The following PDE4D variants were observed in gnomAD, a reference collection of about 807,000 sequenced individuals.
The protein encoded by PDE4D is phosphodiesterase 4D.
Under a neutral mutation model 87.4 loss-of-function variants are expected in PDE4D, and 24 were observed. The observed-to-expected ratio is 0.27, with a 90% CI of 0.20 to 0.39. The LOEUF (loss-of-function observed/expected upper bound fraction) is 0.39. PDE4D is among the 10% of genes least tolerant of loss of function. The pLI is 1.00. For synonymous variants in PDE4D, 384 were observed against 383.2 expected, an observed-to-expected ratio of 1.00 and a Z score of -0.02; for missense variants, 714 against 1,041.0, an observed-to-expected ratio of 0.69 and a Z score of 4.32.
At chr5:59,418,674 A>T (rs1298123012) in intron 1 of PDE4D, among the ~76,000 whole-genome samples, 1 of 142,090 alleles carries the variant, frequency 7.0e-6, no homozygotes, top group Non-Finnish European at 1.5e-5. Context: ...TTTGAGACAG[A>T]GTCTTACTCT....
At chr5:60,105,340 C>T (rs1247637649) in intron 2 of PDE4D, among the ~76,000 whole-genome samples, 1 of 152,114 alleles carries the variant, frequency 6.6e-6, no homozygotes, top group African/African-American at 2.4e-5. Flanking sequence ...CGAACAAAGC[C>T]TCCAAGAAAT....
rs188091605 is a variant in PDE4D at position 60,376,502 on chromosome 5, A to G, written c.-90+111440T>C. Among the ~76,000 whole-genome samples, 625 of 152,220 alleles carry G rather than the reference A, an allele frequency of 4.1e-3. 6 individuals are homozygous for G. Among genetic ancestry groups the G allele is most frequent in the Middle Eastern group, 6.8e-3 (2 of 294 alleles). Reference sequence around the variant, plus strand: ...CTCCAGGCCTCCTAACGCATCCCACACTTCAATCTACTACAGAAGCCACAG... The same window carrying G: ...CTCCAGGCCTCCTAACGCATCCCACGCTTCAATCTACTACAGAAGCCACAG... On this transcript the variant is annotated intron_variant, in intron 1 of 16. Coordinates refer to the PDE4D transcript ENST00000502484.
chr5:59,774,682 CTTTT>C (rs1763901547), intron 1 of PDE4D, among the ~76,000 whole-genome samples: 2 of 141,348 alleles, frequency 1.4e-5, no homozygotes, highest in Non-Finnish European at 3.1e-5. Context: ...TTTTTTTTTT[CTTTT>C]TTCTTTTTTT....
intron 11 of PDE4D, among the ~76,000 whole-genome samples, chr5:58,978,406 ACT>A (rs1353234000): frequency 6.6e-6 from 1 of 152,212 alleles, no homozygotes; most frequent in Admixed American, 6.5e-5. Flanking sequence ...ACAGAGCAAG[ACT>A]CTGTTTCAAA....
At chr5:59,028,456 G>A (rs752945563) in intron 6 of PDE4D, among the ~76,000 whole-genome samples, 2 of 149,632 alleles carry the variant, frequency 1.3e-5, no homozygotes, top group Non-Finnish European at 1.5e-5. Context: ...GGAAATGAAT[G>A]AGTTCTACTG....
At chr5:59,001,060 A>G (rs1343863268) in intron 6 of PDE4D, among the ~76,000 whole-genome samples, 1 of 152,188 alleles carries the variant, frequency 6.6e-6, no homozygotes, top group Non-Finnish European at 1.5e-5. Context: ...TCCAGAATTG[A>G]GCTCAAGAGT....
At chr5:60,018,252 A>T (rs1356873498) in intron 2 of PDE4D, among the ~76,000 whole-genome samples, 1 of 152,152 alleles carries the variant, frequency 6.6e-6, no homozygotes, top group African/African-American at 2.4e-5. Flanking sequence ...TAAACTTCAT[A>T]AGCAAAGGAG....
chr5:60,490,270 A>C (rs1396740451), upstream of PDE4D: 2 of 152,136 alleles, frequency 1.3e-5, no homozygotes, highest in Non-Finnish European at 2.9e-5. Flanking sequence ...GATAACCTGA[A>C]ACATGTTACT....
At chr5:59,323,970 C>G (rs1203330031) in intron 1 of PDE4D, among the ~76,000 whole-genome samples, 1 of 152,108 alleles carries the variant, frequency 6.6e-6, no homozygotes, top group Non-Finnish European at 1.5e-5. Context: ...CTTAGGCCAA[C>G]TAATTTTTCT....
chr5:59,789,547 G>C (rs974990913), intron 1 of PDE4D, among the ~76,000 whole-genome samples: 1 of 152,136 alleles, frequency 6.6e-6, no homozygotes, highest in Non-Finnish European at 1.5e-5. Context: ...TAATTTTCTT[G>C]GCTATATTGA....
intron 1 of PDE4D, among the ~76,000 whole-genome samples, chr5:59,853,894 T>G (rs1745037736): frequency 6.6e-6 from 1 of 152,032 alleles, no homozygotes; most frequent in Non-Finnish European, 1.5e-5. Flanking sequence ...ATTTAATGGG[T>G]GCCTAGTATT....
At chr5:59,520,811 T>G (rs1812071044) in intron 1 of PDE4D, among the ~76,000 whole-genome samples, 1 of 152,116 alleles carries the variant, frequency 6.6e-6, no homozygotes, top group East Asian at 1.9e-4. Flanking sequence ...TTTGCTGCTT[T>G]TAAGAGATAA....
At chr5:59,474,562 T>C (rs1329653604) in intron 1 of PDE4D, among the ~76,000 whole-genome samples, 2 of 152,100 alleles carry the variant, frequency 1.3e-5, no homozygotes, top group Non-Finnish European at 1.5e-5. Context: ...CTGTGACGGA[T>C]TCATTACATC....
chr5:60,210,009 C>T (rs932074012), intron 1 of PDE4D, among the ~76,000 whole-genome samples: 1 of 152,120 alleles, frequency 6.6e-6, no homozygotes, highest in Non-Finnish European at 1.5e-5. Flanking sequence ...AAATACACAG[C>T]AGCTCAGTCT....
chr5:59,745,976 C>G (rs1261836294), intron 1 of PDE4D, among the ~76,000 whole-genome samples: 1 of 152,098 alleles, frequency 6.6e-6, no homozygotes, highest in Non-Finnish European at 1.5e-5. Context: ...AATGTTAAAA[C>G]CTGGCATCAT....
intron 1 of PDE4D, among the ~76,000 whole-genome samples, chr5:60,340,432 G>A (rs1043108874): frequency 2.6e-5 from 4 of 152,078 alleles, no homozygotes; most frequent in African/African-American, 9.7e-5. Context: ...TCAGGCCTCA[G>A]ATGTTACCCT....
At chr5:59,827,982 T>C (rs997913799) in intron 1 of PDE4D, among the ~76,000 whole-genome samples, 6 of 152,158 alleles carry the variant, frequency 3.9e-5, no homozygotes, top group African/African-American at 9.7e-5. Flanking sequence ...CATAATTGTT[T>C]ATAGAGATTA....
At chr5:60,115,933 C>A (rs1026198024) in intron 2 of PDE4D, among the ~76,000 whole-genome samples, 1 of 152,018 alleles carries the variant, frequency 6.6e-6, no homozygotes, top group Non-Finnish European at 1.5e-5. Flanking sequence ...AAAGGAGTAA[C>A]CTAGATCTTG....
At chr5:59,818,833 CTA>C (rs1769294512) in intron 1 of PDE4D, among the ~76,000 whole-genome samples, 1 of 149,484 alleles carries the variant, frequency 6.7e-6, no homozygotes, top group Non-Finnish European at 1.5e-5. Flanking sequence ...GAATTTTCCT[CTA>C]GTTTCCCTGG....
Sources: gnomAD v4.1 joint callset for allele counts (sites outside exome capture counted in the v4.1 genomes callset) on GRCh38, gnomAD v4.1.1 for gene constraint, MANE v1.5 for transcripts, NCBI Gene and HGNC (gene_info 2026-07-23, HGNC 2026-07-21) for gene names.